The following RFX2 variants were observed in gnomAD, a reference collection of about 807,000 sequenced individuals.
The protein encoded by RFX2 is DNA-binding protein RFX2.
Under a neutral mutation model 87.8 loss-of-function variants are expected in RFX2, and 20 were observed. The observed-to-expected ratio is 0.23, with a 90% CI of 0.16 to 0.33. RFX2 has a LOEUF of 0.33. Ranked by LOEUF, RFX2 falls within the 10% of genes least tolerant of loss-of-function variation. The pLI is 1.00. For missense variants in RFX2, 767 were observed against 1,012.3 expected (o/e 0.76, Z 3.29); for synonymous variants, 397 against 431.3 (o/e 0.92, Z 0.98).
chr19:6,102,717 T>C (rs898512937), intron 1 of RFX2, among the ~76,000 whole-genome samples: 9 of 152,208 alleles, frequency 5.9e-5, no homozygotes, highest in African/African-American at 2.2e-4. Context: ...CATTTCAGTC[T>C]CAGCTCAACT....
chr19:6,013,897 A>G lies in RFX2; in HGVS notation c.780-792T>C, dbSNP rs1477567243. Reference sequence around the variant, plus strand: ...CTCGGACAAGTCCTGTGCTGAGAACACCAGGTCAGCTTTGTTGAGCTCCAC... The same window carrying G: ...CTCGGACAAGTCCTGTGCTGAGAACGCCAGGTCAGCTTTGTTGAGCTCCAC... On this transcript the variant is annotated intron_variant, in intron 7 of 17. Transcript: ENST00000303657. This position sits in a 1 kb window ranked among gnomAD's most constrained non-coding sequence, Gnocchi z 4.1. 1.3e-5 allele frequency among the ~76,000 whole-genome samples: 2 copies of G among 152,162 alleles called. No homozygotes were observed. Among genetic ancestry groups the G allele is most frequent in the African/African-American group, 4.8e-5 (2 of 41,430 alleles).
Position 6,044,333 on chromosome 19 carries a change from G to A in RFX2, c.91-51C>T. 8.8e-7 allele frequency: 1 copy of A among 1,140,488 alleles called. No individual in the cohort carries two copies. The highest frequency in any genetic ancestry group is 2.0e-4 in the Middle Eastern group (1 of 4,880). The allele number at this position is 1,140,488 out of a possible 1,614,324, so 70.6% of individuals were successfully genotyped here. ...GTTAGACTTGTCAGAGGTCAGTGCT[G>A]AGGATACACACAGAATGTAAGATGC... On this transcript the variant is annotated intron_variant, in intron 2 of 17. Coordinates refer to ENST00000303657, the MANE Select transcript of RFX2 (RefSeq NM_000635.4). This position sits in a 1 kb window ranked among gnomAD's most constrained non-coding sequence, Gnocchi z 5.3.
chr19:6,018,083 C>A (rs2086755186), intron 6 of RFX2, among the ~76,000 whole-genome samples: 1 of 152,170 alleles, frequency 6.6e-6, no homozygotes, highest in Non-Finnish European at 1.5e-5. Context: ...TCAAGTGATT[C>A]TTCTGCCTCA....
chr19:6,029,443 C>T (rs1399337445), intron 5 of RFX2, among the ~76,000 whole-genome samples: 1 of 152,134 alleles, frequency 6.6e-6, no homozygotes, highest in Non-Finnish European at 1.5e-5. Context: ...TGTGGTGGCT[C>T]ACACCTGTAA....
intron 1 of RFX2, among the ~76,000 whole-genome samples, chr19:6,107,722 G>T (rs1317985769): frequency 1.3e-5 from 2 of 149,096 alleles, no homozygotes; most frequent in African/African-American, 5.0e-5. Flanking sequence ...TAATTATAAT[G>T]CTAATGTAAA....
chr19:6,001,985 C>T lies in RFX2; in HGVS notation c.1689G>A (p.Val563=). 1 of 1,611,768 alleles carries T rather than the reference C, an allele frequency of 6.2e-7. No individual in the cohort carries two copies. The highest frequency in any genetic ancestry group is 8.5e-7 in the Non-Finnish European group (1 of 1,179,940). Residue 563 remains valine, a synonymous_variant, in exon 15 of 18, where the codon GTG becomes GTA. Transcript: ENST00000303657. This position sits in a 1 kb window ranked among gnomAD's most constrained non-coding sequence, Gnocchi z 5.6. ...TGAAATCCTGCTCCAGCCGCTGCAC[C>T]ACACTCTCCTCGCACTGGCACACCC... is the stretch of plus-strand genomic sequence containing the variant. ...ASWVCQCEES[V]VQRLEQDFKL...
intron 5 of RFX2, among the ~76,000 whole-genome samples, chr19:6,035,165 C>T (rs2087005095): frequency 6.6e-6 from 1 of 152,126 alleles, no homozygotes; most frequent in Non-Finnish European, 1.5e-5. Flanking sequence ...CGTCAGGGCC[C>T]ACCGTGTGAC....
At position 6,027,440 on chromosome 19, in the gene RFX2, A is replaced by G. The variant is rs1437152759; in HGVS notation, c.523-1203T>C. 6.6e-6 allele frequency: 1 copy of G among 152,230 alleles called. No homozygotes were observed. Among genetic ancestry groups the G allele is most frequent in the Non-Finnish European group, 1.5e-5 (1 of 68,068 alleles). The allele number at this position is 152,230 out of a possible 1,614,324, so 9.4% of individuals were successfully genotyped here. A position where few individuals can be genotyped will look rare whatever the true frequency, so the allele number is the denominator to read the frequency against. On this transcript the variant is annotated intron_variant, in intron 5 of 17. Coordinates refer to ENST00000303657, the MANE Select transcript of RFX2 (RefSeq NM_000635.4). The surrounding 1 kb of genome is among the most constrained non-coding windows in gnomAD (Gnocchi z 5.0). ...TGCAGGCGATGAGAAGGCAATCGCC[A>G]CCTCTATGATAGAAAAAACACACAT... is the stretch of plus-strand genomic sequence containing the variant.
Position 5,995,597 on chromosome 19 carries a change from C to T in RFX2, c.2056+4G>A. 3 of 1,552,134 alleles carry T rather than the reference C, an allele frequency of 1.9e-6. No homozygotes were observed. Among genetic ancestry groups the T allele is most frequent in the Non-Finnish European group, 2.6e-6 (3 of 1,147,290 alleles). ...CGTGGTGGGAAAGCCGCAGACGCAC[C>T]TACCTTTGTCGAGCAGCGTCAGCGA... On this transcript the variant is annotated splice_donor_region_variant and intron_variant, in intron 17 of 17. Transcript: ENST00000303657.
rs140407047 is a variant in RFX2, at chr19:6,055,995, TA to T, written c.-8-8492del. ...GAGTAGAGTGGATTAAAACTAAAGTTAAAAAAAAATCATAATAGTGGGTGGG... is the reference window on the plus strand; with the variant it reads ...GAGTAGAGTGGATTAAAACTAAAGTTAAAAAAAATCATAATAGTGGGTGGG... On this transcript the variant is annotated intron_variant, in intron 1 of 17. Transcript: ENST00000303657. Among the ~76,000 whole-genome samples, 9 of 145,808 alleles carry T rather than the reference TA, an allele frequency of 6.2e-5. No individual in the cohort carries two copies. The South Asian group carries it at 6.5e-4, about 10-fold the overall frequency.
Position 6,016,011 on chromosome 19 carries a change from A to T in RFX2, c.779+79T>A. 7.2e-7 allele frequency: 1 copy of T among 1,380,954 alleles called. No individual in the cohort carries two copies. The highest frequency in any genetic ancestry group is 9.8e-7 in the Non-Finnish European group (1 of 1,020,646). The allele number at this position is 1,380,954 out of a possible 1,614,324, so 85.5% of individuals were successfully genotyped here. ...ATCAGGCCACCTGGAAAGGAGGAGG[A>T]AGCCTCGCATTTTCCCAAAAGCTCC... On this transcript the variant is annotated intron_variant, in intron 7 of 17. Transcript: ENST00000303657. The surrounding 1 kb of genome is among the most constrained non-coding windows in gnomAD (Gnocchi z 5.4).
chr19:6,031,818 T>C (rs1389860211), intron 5 of RFX2, among the ~76,000 whole-genome samples: 1 of 151,952 alleles, frequency 6.6e-6, no homozygotes, highest in Non-Finnish European at 1.5e-5. Flanking sequence ...TTGATGCCTC[T>C]GCATTCTTTT....
intron 5 of RFX2, among the ~76,000 whole-genome samples, chr19:6,038,777 C>T (rs945791613): frequency 1.3e-5 from 2 of 152,160 alleles, no homozygotes; most frequent in South Asian, 2.1e-4. Context: ...TGAGGTACCA[C>T]CACACATCTA....
intron 10 of RFX2, 61 bp downstream of exon 10, chr19:6,008,045 G>A: frequency 1.6e-6 from 2 of 1,277,758 alleles, no homozygotes; most frequent in Non-Finnish European, 1.1e-6. Context: ...CGCCTGGCCT[G>A]AGCGCTGGCG....
intron 1 of RFX2, chr19:6,073,575 C>A: frequency 2.6e-6 from 1 of 390,266 alleles, no homozygotes; most frequent in Non-Finnish European, 4.5e-6. Flanking sequence ...ACCATAAAAA[C>A]TGCAAAAAGA....
Position 5,997,829 on chromosome 19 carries a change from A to G in RFX2, c.1860-616T>C, listed in dbSNP as rs1402082624. Among the ~76,000 whole-genome samples the G allele has an allele frequency of 6.6e-6, 1 of 152,228 alleles. No homozygotes were observed. Among genetic ancestry groups the G allele is most frequent in the Non-Finnish European group, 1.5e-5 (1 of 68,038 alleles). ...ATGCTTTACATTTTGAAATGGTTGG[A>G]AAAAGTCAAAAGAATAATTATATTC... On this transcript the variant is annotated intron_variant, in intron 15 of 17. Coordinates refer to ENST00000303657, the MANE Select transcript of RFX2 (RefSeq NM_000635.4). The surrounding 1 kb of genome is among the most constrained non-coding windows in gnomAD (Gnocchi z 4.2).
In RFX2 at chr19:6,008,187, G is replaced by C. The variant is rs930723275; in HGVS notation, c.1053C>G (p.Asp351Glu). 6.4e-7 allele frequency: 1 copy of C among 1,560,880 alleles called. No individual in the cohort carries two copies. The highest frequency in any genetic ancestry group is 8.7e-7 in the Non-Finnish European group (1 of 1,150,476). ...CGTCCTGCAGCAGGAAGCTGCCCAG[G>C]TCGGGCGCTGGGAACTCGGGGAAGA... ...SHVFPEFPAP[D>E]LGSFLLQDGV... Residue 351 changes from aspartate (D) to glutamate (E), a missense_variant, in exon 10 of 18, where the codon GAC becomes GAG. Physicochemically the swap from Asp to Glu is conservative, Grantham distance 45. Transcript: ENST00000303657.
At chr19:6,043,038 T>C (rs1233366348) in intron 3 of RFX2, among the ~76,000 whole-genome samples, 1 of 152,172 alleles carries the variant, frequency 6.6e-6, no homozygotes, top group African/African-American at 2.4e-5. Flanking sequence ...GAGCATGGTA[T>C]GCACTTGTCC....
chr19:6,070,070 G>GATGGGATGAA, intron 1 of RFX2, among the ~76,000 whole-genome samples: 1 of 131,794 alleles, frequency 7.6e-6, no homozygotes, highest in Non-Finnish European at 1.7e-5. Context: ...GATGGGATGG[G>GATGGGATGAA]ATGTGGATGG....
Sources: gnomAD v4.1 joint callset for allele counts (sites outside exome capture counted in the v4.1 genomes callset) on GRCh38, gnomAD v4.1.1 for gene constraint, Gnocchi (gnomAD v3.1) non-coding constraint, MANE v1.5 for transcripts, NCBI Gene and HGNC (gene_info 2026-07-23, HGNC 2026-07-21) for gene names.